UVRAG: variants seen among roughly 807,000 people sequenced by gnomAD.
UVRAG encodes the protein UV radiation resistance associated, also known as UV radiation resistance-associated gene protein.
A neutral mutation model predicts 78.0 loss-of-function variants in UVRAG; 19 were observed. The observed-to-expected ratio is 0.24, with a 90% CI of 0.17 to 0.36. The LOEUF (loss-of-function observed/expected upper bound fraction) is 0.36, where lower values mean the gene tolerates loss of function less well. Ranked by LOEUF, UVRAG falls within the 10% of genes least tolerant of loss-of-function variation. The probability of loss-of-function intolerance (pLI) is 1.00; values close to 1 mark genes in which losing one functional copy is unlikely to be tolerated. For missense variants in UVRAG, 740 were observed against 853.8 expected (o/e 0.87, Z 1.66); for synonymous variants, 323 against 324.6 (o/e 1.00, Z 0.05).
intron 1 of UVRAG, among the ~76,000 whole-genome samples, chr11:75,820,355 T>C (rs1046258261): frequency 4.7e-4 from 49 of 104,860 alleles, no homozygotes; most frequent in African/African-American, 1.6e-3. Context: ...GTTTCACTTA[T>C]TCTTTTTTTT....
At chr11:75,921,539 C>T (rs7120267) in intron 6 of UVRAG, among the ~76,000 whole-genome samples, 16,771 of 151,988 alleles carry the variant, frequency 0.11, 1,828 homozygotes, top group African/African-American at 0.29. Flanking sequence ...TTTGTTGTAT[C>T]GTGTAATTCT....
chr11:75,869,920 C>T (rs571944978), intron 3 of UVRAG, among the ~76,000 whole-genome samples: 2 of 152,246 alleles, frequency 1.3e-5, no homozygotes, highest in Admixed American at 1.3e-4. Flanking sequence ...TTTATGTCCT[C>T]TTGTGGGTGT....
intron 8 of UVRAG, among the ~76,000 whole-genome samples, chr11:75,998,094 G>T (rs987785651): frequency 2.0e-5 from 3 of 152,184 alleles, no homozygotes; most frequent in Non-Finnish European, 2.9e-5. Context: ...CCAGTGTGAA[G>T]CTCCCTTGAC....
Position 75,855,875 on chromosome 11 carries a change from T to G in UVRAG, c.235+3875T>G, listed in dbSNP as rs80124648. On this transcript the variant is annotated intron_variant, in intron 2 of 14. Coordinates refer to ENST00000356136, the MANE Select transcript of UVRAG (RefSeq NM_003369.4). ...CATTCTTGTAGTGCTTTTAGGAGAT[T>G]GTTTACTTATTTCCAATCAAATACT... Among the ~76,000 whole-genome samples the G allele has an allele frequency of 2.3e-3, 347 of 152,374 alleles. 9 individuals are homozygous for G. The East Asian group carries it at 0.034, about 15-fold the overall frequency.
At chr11:75,894,789 C>A (rs1239553506) in intron 5 of UVRAG, among the ~76,000 whole-genome samples, 3 of 141,230 alleles carry the variant, frequency 2.1e-5, no homozygotes, top group Non-Finnish European at 4.6e-5. Flanking sequence ...CAAAGTGAGA[C>A]TCCCGTCTCT....
At chr11:75,956,693 T>C (rs116755226) in intron 6 of UVRAG, among the ~76,000 whole-genome samples, 2,696 of 152,308 alleles carry the variant, frequency 0.018, 74 homozygotes, top group African/African-American at 0.061. Context: ...CAGCCTGATA[T>C]ATTTTTGCCA....
intron 9 of UVRAG, among the ~76,000 whole-genome samples, chr11:76,005,410 A>G (rs1048330746): frequency 6.6e-6 from 1 of 152,116 alleles, no homozygotes; most frequent in Non-Finnish European, 1.5e-5. Flanking sequence ...CTCAATTTGC[A>G]GATAGGAAGT....
intron 3 of UVRAG, among the ~76,000 whole-genome samples, chr11:75,868,081 G>T (rs1204186924): frequency 1.3e-5 from 2 of 152,182 alleles, no homozygotes; most frequent in African/African-American, 4.8e-5. Context: ...GGACTATGTT[G>T]GATGGTAATA....
chr11:75,894,229 C>T (rs1238592185), intron 5 of UVRAG, among the ~76,000 whole-genome samples: 1 of 152,048 alleles, frequency 6.6e-6, no homozygotes, highest in Non-Finnish European at 1.5e-5. Context: ...CTGTCTGTCA[C>T]AATCTGTGGT....
intron 13 of UVRAG, among the ~76,000 whole-genome samples, chr11:76,088,180 C>T (rs1951627596): frequency 6.6e-6 from 1 of 152,138 alleles, no homozygotes; most frequent in South Asian, 2.1e-4. Flanking sequence ...CACATCCAGC[C>T]CCATTTGTGA....
chr11:75,986,959 T>A (rs943981838), intron 8 of UVRAG, among the ~76,000 whole-genome samples: 1 of 152,230 alleles, frequency 6.6e-6, no homozygotes, highest in African/African-American at 2.4e-5. Context: ...TCCTGAATAA[T>A]ACATTCAGTT....
At chr11:76,075,533 G>A (rs115272803) in intron 13 of UVRAG, among the ~76,000 whole-genome samples, 2,058 of 151,924 alleles carry the variant, frequency 0.014, 50 homozygotes, top group African/African-American at 0.047. Flanking sequence ...GTGAAGGAGT[G>A]GCTTGTACCT....
intron 3 of UVRAG, among the ~76,000 whole-genome samples, chr11:75,872,677 A>G (rs59147439): frequency 0.13 from 19,716 of 151,692 alleles, 2,786 homozygotes; most frequent in African/African-American, 0.35. Context: ...GTGAGCCACC[A>G]CTCCCGGCCT....
At chr11:76,116,118 T>A (rs1376154731) in intron 14 of UVRAG, 103 bp downstream of exon 14, 3 of 1,104,714 alleles carry the variant, frequency 2.7e-6, no homozygotes, top group Non-Finnish European at 4.0e-6. Context: ...TGAGTTTTCT[T>A]CTGTAATGAG....
At chr11:76,030,074 C>A (rs1950406983) in intron 12 of UVRAG, among the ~76,000 whole-genome samples, 1 of 151,856 alleles carries the variant, frequency 6.6e-6, no homozygotes. Context: ...TTTGTATTTT[C>A]TTTAATTTTT....
chr11:75,856,562 A>G (rs1946297653), intron 2 of UVRAG, among the ~76,000 whole-genome samples: 2 of 152,076 alleles, frequency 1.3e-5, no homozygotes, highest in Non-Finnish European at 2.9e-5. Context: ...CTCCCGCCTC[A>G]GCCTCCCGAG....
intron 6 of UVRAG, among the ~76,000 whole-genome samples, chr11:75,943,714 A>G (rs536746610): frequency 2.0e-5 from 3 of 152,240 alleles, no homozygotes; most frequent in African/African-American, 4.8e-5. Flanking sequence ...ACCACCTACC[A>G]TCTCCTCAAT....
chr11:76,115,626 C>A (rs1426631082), intron 13 of UVRAG, among the ~76,000 whole-genome samples: 2 of 152,136 alleles, frequency 1.3e-5, no homozygotes, highest in East Asian at 3.8e-4. Flanking sequence ...TTTGAAATAT[C>A]CTCATTCCAC....
intron 2 of UVRAG, among the ~76,000 whole-genome samples, chr11:75,856,663 C>G (rs1347477415): frequency 6.6e-6 from 1 of 152,062 alleles, no homozygotes; most frequent in East Asian, 1.9e-4. Context: ...CTAGGCTGGT[C>G]CCAAACTTCT....
Sources: allele counts gnomAD v4.1 joint callset (sites outside exome capture counted in the v4.1 genomes callset), GRCh38; gene constraint gnomAD v4.1.1; transcripts MANE v1.5; gene names NCBI Gene and HGNC (gene_info 2026-07-23, HGNC 2026-07-21).